The following DENND5B variants were observed in gnomAD, a reference collection of about 807,000 sequenced individuals.
The protein encoded by DENND5B is DENN domain-containing protein 5B.
Under a neutral mutation model 140.6 loss-of-function variants are expected in DENND5B, and 34 were observed. The observed-to-expected ratio is 0.24, with a 90% CI of 0.18 to 0.32. The LOEUF is 0.32. Ranked by LOEUF, DENND5B falls within the 10% of genes least tolerant of loss-of-function variation. DENND5B has a pLI of 1.00. For missense variants in DENND5B, 1,142 were observed against 1,560.2 expected, an observed-to-expected ratio of 0.73 and a Z score of 4.52; for synonymous variants, 551 against 562.1, an observed-to-expected ratio of 0.98 and a Z score of 0.28.
chr12:31,438,830 A>C (rs1943899213), intron 7 of DENND5B, among the ~76,000 whole-genome samples: 1 of 152,192 alleles, frequency 6.6e-6, no homozygotes, highest in South Asian at 2.1e-4. Context: ...AATAGTAAAA[A>C]TATGAAACAG....
chr12:31,402,366 C>T (rs1449789146), intron 15 of DENND5B, 132 bp downstream of exon 15: 14 of 1,163,866 alleles, frequency 1.2e-5, no homozygotes, highest in East Asian at 2.4e-5. Flanking sequence ...CATATAATCA[C>T]AAAAATGATC....
At chr12:31,505,239 C>CTTTTTTTTT (rs200931111) in intron 1 of DENND5B, among the ~76,000 whole-genome samples, 1 of 129,128 alleles carries the variant, frequency 7.7e-6, no homozygotes. Flanking sequence ...CAGAATTTGC[C>CTTTTTTTTT]TTTTTTTTTT....
At chr12:31,527,387 A>G (rs1948121430) in intron 1 of DENND5B, among the ~76,000 whole-genome samples, 1 of 152,138 alleles carries the variant, frequency 6.6e-6, no homozygotes. Context: ...AAAGCTCCAG[A>G]GGTTACGGGC....
rs567131389 is a variant in DENND5B, at chr12:31,442,584, T to C, written c.2012+191A>G. Among the ~76,000 whole-genome samples the C allele has an allele frequency of 4.6e-5, 7 of 152,284 alleles. No homozygotes were observed. In the East Asian group the frequency reaches 1.3e-3, roughly 29 times the overall value. ...CTCTAGCCTTTGTTTTTTTCTTTTT[T>C]TTTTTAAATGATGGATTTAAAGGTC... is the stretch of plus-strand genomic sequence containing the variant. On this transcript the variant is annotated intron_variant, in intron 7 of 20. Transcript: ENST00000389082.
intron 1 of DENND5B, among the ~76,000 whole-genome samples, chr12:31,565,336 G>C (rs1178236710): frequency 2.6e-5 from 4 of 152,212 alleles, no homozygotes; most frequent in Non-Finnish European, 5.9e-5. Flanking sequence ...AGAGGTTGCA[G>C]TGAGCTGAGA....
intron 1 of DENND5B, among the ~76,000 whole-genome samples, chr12:31,589,259 T>C (rs912598745): frequency 3.9e-5 from 6 of 152,350 alleles, no homozygotes; most frequent in Non-Finnish European, 7.3e-5. Flanking sequence ...CAAATCTCTC[T>C]GCAGACATTT....
At chr12:31,583,680 A>AAAAAACAAAAAC (rs138197353) in intron 1 of DENND5B, among the ~76,000 whole-genome samples, 22 of 150,438 alleles carry the variant, frequency 1.5e-4, no homozygotes, top group Admixed American at 4.0e-4. Context: ...TGTGTCTGGG[A>AAAAAACAAAAAC]AAAAACAAAA....
rs139418434 is a variant in DENND5B at position 31,446,496 on chromosome 12, C to T, written c.1861+1042G>A. On this transcript the variant is annotated intron_variant, in intron 6 of 20. Coordinates refer to ENST00000389082, the MANE Select transcript of DENND5B (RefSeq NM_144973.4). ...AGTGAAGCTATTATAATTAATGGCA[C>T]TACTAAAGCAAAGATACTGTTTTAG... 7.9e-5 allele frequency among the ~76,000 whole-genome samples: 12 copies of T among 152,266 alleles called. No homozygotes were observed. The East Asian group carries it at 2.3e-3, about 29-fold the overall frequency.
At chr12:31,422,148 G>T (rs147141075) in intron 11 of DENND5B, among the ~76,000 whole-genome samples, 2 of 151,846 alleles carry the variant, frequency 1.3e-5, no homozygotes, top group Non-Finnish European at 1.5e-5. Flanking sequence ...GGTCAGGCAC[G>T]GTGGCTCACT....
At chr12:31,420,187 T>G (rs906645258) in intron 11 of DENND5B, among the ~76,000 whole-genome samples, 2 of 152,084 alleles carry the variant, frequency 1.3e-5, no homozygotes, top group Admixed American at 6.6e-5. Flanking sequence ...AGTGCAGTGG[T>G]GGGATCACAG....
chr12:31,577,941 A>G (rs1008419428), intron 1 of DENND5B, among the ~76,000 whole-genome samples: 1 of 151,698 alleles, frequency 6.6e-6, no homozygotes, highest in African/African-American at 2.4e-5. Flanking sequence ...CTTCGGCAAC[A>G]TAGTGAAACC....
chr12:31,561,481 A>T (rs1482609470), intron 1 of DENND5B, among the ~76,000 whole-genome samples: 1 of 152,096 alleles, frequency 6.6e-6, no homozygotes, highest in East Asian at 1.9e-4. Flanking sequence ...AACAACAACA[A>T]CAATTTATGC....
intron 3 of DENND5B, among the ~76,000 whole-genome samples, chr12:31,476,496 C>T (rs1159285687): frequency 6.8e-6 from 1 of 146,480 alleles, no homozygotes; most frequent in African/African-American, 2.5e-5. Flanking sequence ...AAAAAAAAAA[C>T]CCAAACTATT....
At chr12:31,538,948 G>C (rs1439684234) in intron 1 of DENND5B, among the ~76,000 whole-genome samples, 1 of 143,420 alleles carries the variant, frequency 7.0e-6, no homozygotes, top group Non-Finnish European at 1.5e-5. Context: ...AAACTTCAAT[G>C]AAACAAAAGG....
intron 1 of DENND5B, among the ~76,000 whole-genome samples, chr12:31,557,647 A>G (rs1054945435): frequency 6.6e-5 from 10 of 152,124 alleles, no homozygotes; most frequent in Non-Finnish European, 1.5e-4. Flanking sequence ...AATTCAAGGC[A>G]TAAGGTGAAT....
At position 31,577,842 on chromosome 12, in the gene DENND5B, G is replaced by A. The variant is rs1348999155; in HGVS notation, c.127+12864C>T. Among the ~76,000 whole-genome samples, 6 of 151,804 alleles carry A rather than the reference G, an allele frequency of 4.0e-5. No homozygotes were observed. The East Asian group carries it at 9.7e-4, about 25-fold the overall frequency. ...AGAACTGAATGAAAAAATTCTACAG[G>A]GTCCAGTGCAGTGGCTCACGCCTGT... On this transcript the variant is annotated intron_variant, in intron 1 of 20. Coordinates refer to ENST00000389082, the MANE Select transcript of DENND5B (RefSeq NM_144973.4).
chr12:31,433,719 A>G (rs1943620698), intron 7 of DENND5B, among the ~76,000 whole-genome samples: 1 of 152,214 alleles, frequency 6.6e-6, no homozygotes, highest in African/African-American at 2.4e-5. Context: ...TGAAGCTTCC[A>G]ACCTTTTAAG....
intron 6 of DENND5B, among the ~76,000 whole-genome samples, chr12:31,447,280 A>G (rs956732394): frequency 1.3e-5 from 2 of 152,130 alleles, no homozygotes; most frequent in African/African-American, 2.4e-5. Context: ...AAAAACAAAA[A>G]CAAAAACAAA....
At chr12:31,387,814 G>A in intron 20 of DENND5B, 28 bp from the exon 21 acceptor site, 1 of 1,601,806 alleles carries the variant, frequency 6.2e-7, no homozygotes, top group Non-Finnish European at 8.5e-7. Flanking sequence ...AACAATTCCT[G>A]AGCATTGCTG....
Sources: allele counts gnomAD v4.1 joint callset (sites outside exome capture counted in the v4.1 genomes callset), GRCh38; gene constraint gnomAD v4.1.1; transcripts MANE v1.5; gene names NCBI Gene and HGNC (gene_info 2026-07-23, HGNC 2026-07-21).